The following CDK6 variants were observed in gnomAD, a reference collection of about 807,000 sequenced individuals.
CDK6 encodes cyclin dependent kinase 6, also known as cyclin-dependent kinase 6.
Under a neutral mutation model 37.1 loss-of-function variants are expected in CDK6, and 6 were observed. The ratio of observed to expected loss-of-function variants is 0.16; its 90% CI spans 0.09 to 0.32. CDK6 has a LOEUF of 0.32. Among genes scored for constraint, CDK6 ranks in the 10% least tolerant of loss-of-function variants. CDK6 has a pLI of 1.00. For missense variants in CDK6, 224 were observed against 418.9 expected (o/e 0.53, Z 4.06); for synonymous variants, 160 against 161.3 (o/e 0.99, Z 0.06).
At chr7:92,652,872 C>T (rs1339366992) in intron 5 of CDK6, among the ~76,000 whole-genome samples, 1 of 152,142 alleles carries the variant, frequency 6.6e-6, no homozygotes, top group African/African-American at 2.4e-5. Context: ...CAGGTAAATG[C>T]CCAATGGGTA....
At chr7:92,653,429 C>A (rs141797654) in intron 5 of CDK6, among the ~76,000 whole-genome samples, 6 of 152,280 alleles carry the variant, frequency 3.9e-5, no homozygotes, top group Admixed American at 2.6e-4. Flanking sequence ...CTACTGTAAC[C>A]GCTTTGCCAA....
chr7:92,754,904 G>T (rs1211876510), intron 3 of CDK6, among the ~76,000 whole-genome samples: 1 of 152,094 alleles, frequency 6.6e-6, no homozygotes, highest in Non-Finnish European at 1.5e-5. Flanking sequence ...AGCTGAGGAG[G>T]AGTTTATTGC....
chr7:92,622,918 A>C, intron 6 of CDK6, 118 bp downstream of exon 6: 7 of 656,084 alleles, frequency 1.1e-5, no homozygotes, highest in Non-Finnish European at 1.4e-5. Flanking sequence ...CACTGTCTGC[A>C]GCAGCTGCTT....
intron 4 of CDK6, among the ~76,000 whole-genome samples, chr7:92,700,914 C>A (rs1243833802): frequency 6.6e-6 from 1 of 152,246 alleles, no homozygotes; most frequent in African/African-American, 2.4e-5. Flanking sequence ...ACTGCGGTAA[C>A]ATGATGGCAG....
chr7:92,676,171 TTAA>T lies in CDK6; in HGVS notation c.538-4639_538-4637del, dbSNP rs1227903913. 2.0e-5 allele frequency among the ~76,000 whole-genome samples: 3 copies of T among 152,164 alleles called. No individual in the cohort carries two copies. In the South Asian group the frequency reaches 6.2e-4, roughly 32 times the overall value. ...TTAGCTCATTTCTTTTCCATTTTAA[TTAA>T]TAATAAAATGCTAACTACATATTTG... On this transcript the variant is annotated intron_variant, in intron 4 of 7. Transcript: ENST00000424848.
At chr7:92,830,898 C>T (rs763808120) in intron 2 of CDK6, among the ~76,000 whole-genome samples, 3 of 152,100 alleles carry the variant, frequency 2.0e-5, no homozygotes, top group Admixed American at 6.5e-5. Context: ...ATGATTTGTT[C>T]TACAAAAAAG....
chr7:92,787,918 A>G lies in CDK6; in HGVS notation c.234-13087T>C, dbSNP rs1176411508. On this transcript the variant is annotated intron_variant, in intron 2 of 7. Coordinates refer to ENST00000424848, the MANE Select transcript of CDK6 (RefSeq NM_001145306.2). Reference sequence around the variant, plus strand: ...AATAAAGATCCTTATAAAAATTAAAATATAACATCTTATATTTTTAAATTA... The same window carrying G: ...AATAAAGATCCTTATAAAAATTAAAGTATAACATCTTATATTTTTAAATTA... Among the ~76,000 whole-genome samples the G allele has an allele frequency of 2.0e-5, 3 of 152,298 alleles. No individual in the cohort carries two copies. In the East Asian group the frequency reaches 5.8e-4, roughly 29 times the overall value.
At chr7:92,678,056 T>G (rs555104074) in intron 4 of CDK6, among the ~76,000 whole-genome samples, 14 of 152,356 alleles carry the variant, frequency 9.2e-5, no homozygotes, top group East Asian at 7.7e-4. Flanking sequence ...TTATAAAGAA[T>G]GAATAATATC....
At chr7:92,648,803 T>A (rs1478417190) in intron 5 of CDK6, among the ~76,000 whole-genome samples, 1 of 152,194 alleles carries the variant, frequency 6.6e-6, no homozygotes, top group African/African-American at 2.4e-5. Flanking sequence ...ATCTACAAAG[T>A]GAGAAATAGA....
At chr7:92,800,737 C>A (rs1800549976) in intron 2 of CDK6, among the ~76,000 whole-genome samples, 1 of 152,178 alleles carries the variant, frequency 6.6e-6, no homozygotes, top group African/African-American at 2.4e-5. Context: ...CCTGTAGCAA[C>A]ATTAATTCTG....
intron 5 of CDK6, among the ~76,000 whole-genome samples, chr7:92,653,279 G>C (rs558760493): frequency 1.3e-4 from 20 of 152,136 alleles, no homozygotes; most frequent in African/African-American, 3.1e-4. Flanking sequence ...CCTTTGTTCC[G>C]GTCTCAGTCA....
intron 2 of CDK6, among the ~76,000 whole-genome samples, chr7:92,778,855 A>G (rs2115803749): frequency 6.7e-6 from 1 of 149,712 alleles, no homozygotes. Flanking sequence ...AAAAAATTAC[A>G]TTGCTTACCA....
chr7:92,784,023 A>G (rs1800061426), intron 2 of CDK6, among the ~76,000 whole-genome samples: 1 of 152,214 alleles, frequency 6.6e-6, no homozygotes, highest in Admixed American at 6.5e-5. Flanking sequence ...AATGAAAGGC[A>G]GAGAAAAGAG....
chr7:92,745,635 C>T (rs892846562), intron 3 of CDK6, among the ~76,000 whole-genome samples: 1 of 152,118 alleles, frequency 6.6e-6, no homozygotes, highest in East Asian at 1.9e-4. Flanking sequence ...TTTATCTTCA[C>T]AGGATATGAT....
intron 5 of CDK6, among the ~76,000 whole-genome samples, chr7:92,640,677 C>T (rs753875012): frequency 2.0e-5 from 3 of 152,134 alleles, no homozygotes; most frequent in African/African-American, 7.2e-5. Flanking sequence ...CAATCTTCCT[C>T]CTTAAAAATG....
In CDK6 at chr7:92,608,443, T is replaced by C. The variant is rs1403272573; in HGVS notation, c.*6697A>G. The C allele has an allele frequency of 4.3e-6, 1 of 230,740 alleles. No individual in the cohort carries two copies. Among genetic ancestry groups the C allele is most frequent in the Non-Finnish European group, 8.6e-6 (1 of 116,600 alleles). 14.3% of individuals were successfully genotyped at this position (230,740 alleles called of 1,614,324 possible). A position where few individuals can be genotyped will look rare whatever the true frequency, so the allele number is the denominator to read the frequency against. On this transcript the variant is annotated 3_prime_UTR_variant, in exon 8 of 8. Transcript: ENST00000424848. ...TGAAGACGAAGCAGAAAATAAACTT[T>C]TCAAAACAAAACTTTTCCAGGCATA...
At chr7:92,732,998 C>A (rs1174738978) in intron 3 of CDK6, among the ~76,000 whole-genome samples, 3 of 152,186 alleles carry the variant, frequency 2.0e-5, no homozygotes, top group African/African-American at 7.2e-5. Context: ...TATAATAATG[C>A]CCTTATCTGG....
chr7:92,737,191 G>A (rs562139292), intron 3 of CDK6, among the ~76,000 whole-genome samples: 1 of 152,290 alleles, frequency 6.6e-6, no homozygotes, highest in East Asian at 1.9e-4. Flanking sequence ...ATGAAGATGA[G>A]GCTGTGATAA....
chr7:92,711,552 A>ATTTTTTTT lies in CDK6; in HGVS notation c.537+14066_537+14073dup, dbSNP rs11285626. ...TTTTTTACCTACCTGGAATGGTCAA[A>ATTTTTTTT]TTTTTTTTTTTTTTTTTTTTTTTTT... On this transcript the variant is annotated intron_variant, in intron 4 of 7. Transcript: ENST00000424848. Among the ~76,000 whole-genome samples the ATTTTTTTT allele has an allele frequency of 3.9e-4, 22 of 56,624 alleles. 1 individual carries two copies. The highest frequency in any genetic ancestry group is 1.8e-3 in the African/African-American group (22 of 12,216). The allele number at this position is 56,624 out of a possible 152,430, so 37.1% of individuals were successfully genotyped here.
Sources: allele counts gnomAD v4.1 joint callset (sites outside exome capture counted in the v4.1 genomes callset), GRCh38; gene constraint gnomAD v4.1.1; transcripts MANE v1.5; gene names NCBI Gene and HGNC (gene_info 2026-07-23, HGNC 2026-07-21).